TUT4: variants seen among roughly 807,000 people sequenced by gnomAD.
TUT4 encodes the protein terminal uridylyl transferase 4, also known as terminal uridylyltransferase 4.
TUT4 carries 36 observed loss-of-function variants against 192.2 expected under a neutral mutation model. The observed-to-expected ratio is 0.19, with a 90% confidence interval of 0.14 to 0.25. The LOEUF is 0.25. Among genes scored for constraint, TUT4 ranks in the 10% least tolerant of loss-of-function variants. The pLI is 1.00. For missense variants in TUT4, 1,493 were observed against 1,957.2 expected (o/e 0.76, Z 4.47); for synonymous variants, 618 against 666.0 (o/e 0.93, Z 1.11).
chr1:52,495,281 T>C (rs1672170935), intron 6 of TUT4, 146 bp downstream of exon 6: 1 of 433,308 alleles, frequency 2.3e-6, no homozygotes, highest in Non-Finnish European at 4.1e-6. Flanking sequence ...AATCTAATAG[T>C]AATTTCCAAA....
At chr1:52,492,557 T>A (rs1244002398) in intron 7 of TUT4, among the ~76,000 whole-genome samples, 2 of 152,210 alleles carry the variant, frequency 1.3e-5, no homozygotes, top group Non-Finnish European at 2.9e-5. Context: ...ATGGGAAAGC[T>A]AAGGTATTAA....
intron 9 of TUT4, among the ~76,000 whole-genome samples, chr1:52,487,865 G>A (rs1490642008): frequency 2.0e-5 from 3 of 152,138 alleles, no homozygotes; most frequent in African/African-American, 7.2e-5. Flanking sequence ...GGGATCAGCC[G>A]TGAATACATA....
intron 11 of TUT4, among the ~76,000 whole-genome samples, chr1:52,480,846 T>C (rs567562671): frequency 3.4e-4 from 52 of 152,178 alleles, no homozygotes; most frequent in Non-Finnish European, 6.5e-4. Flanking sequence ...TTGAATACAA[T>C]AGTCAAGTAT....
intron 14 of TUT4, chr1:52,468,534 G>C (rs1374956194): frequency 1.3e-5 from 4 of 309,122 alleles, no homozygotes; most frequent in African/African-American, 2.2e-5. Context: ...CATTTCACAT[G>C]ATCATTTTCC....
Position 52,433,611 on chromosome 1 carries a change from G to C in TUT4, c.4263+1754C>G, listed in dbSNP as rs1652806562. 6 of 152,196 alleles carry C rather than the reference G, an allele frequency of 3.9e-5. No individual in the cohort carries two copies. In the South Asian group the frequency reaches 1.2e-3, roughly 31 times the overall value. The allele number at this position is 152,196 out of a possible 1,614,324, so 9.4% of individuals were successfully genotyped here. ...ACTCTTTCCGAAAGCACGGGTGAGA[G>C]AAAAGTGAGGACTAGTAGCATAAAA... On this transcript the variant is annotated intron_variant, in intron 27 of 29. Transcript: ENST00000257177.
At chr1:52,458,088 A>C (rs1042443683) in intron 20 of TUT4, among the ~76,000 whole-genome samples, 4 of 152,214 alleles carry the variant, frequency 2.6e-5, no homozygotes, top group African/African-American at 9.6e-5. Flanking sequence ...TAAGACTGTA[A>C]AATTTAAAAA....
At chr1:52,445,559 G>A (rs535272211) in intron 24 of TUT4, among the ~76,000 whole-genome samples, 5 of 152,210 alleles carry the variant, frequency 3.3e-5, no homozygotes, top group Admixed American at 6.5e-5. Context: ...TCCTGTCTTC[G>A]TGGGGCTTAT....
In TUT4 at chr1:52,525,529, T is replaced by C. The variant is rs773746139; in HGVS notation, c.718+34A>G. The C allele has an allele frequency of 5.6e-5, 89 of 1,579,862 alleles. No homozygotes were observed. The Admixed American group carries it at 1.5e-3, about 27-fold the overall frequency. ...AAACCGGGGATAATCTAAAGAACAT[T>C]AATATACAAAAATCCCTCCAAAAAA... is the stretch of plus-strand genomic sequence containing the variant. On this transcript the variant is annotated intron_variant, in intron 2 of 29. Coordinates refer to ENST00000257177, the MANE Select transcript of TUT4 (RefSeq NM_001009881.3).
intron 1 of TUT4, among the ~76,000 whole-genome samples, chr1:52,545,966 C>CAAAAAAAAAAA (rs71041901): frequency 4.7e-4 from 34 of 72,218 alleles, no homozygotes; most frequent in Admixed American, 8.3e-4. Context: ...TACAAAAATA[C>CAAAAAAAAAAA]AAAAAAAAAA....
chr1:52,481,982 A>C, intron 9 of TUT4, 59 bp from the exon 10 acceptor site: 1 of 1,390,486 alleles, frequency 7.2e-7, no homozygotes, highest in Admixed American at 2.7e-5. Context: ...TCATGATAAA[A>C]GTAGCTTGCT....
intron 9 of TUT4, among the ~76,000 whole-genome samples, chr1:52,486,777 T>C (rs1369061511): frequency 1.3e-5 from 2 of 152,196 alleles, no homozygotes; most frequent in African/African-American, 4.8e-5. Context: ...AGAATCTACA[T>C]GGATCAACTA....
chr1:52,539,912 A>C (rs1451092779), intron 1 of TUT4, among the ~76,000 whole-genome samples: 1 of 151,146 alleles, frequency 6.6e-6, no homozygotes, highest in Non-Finnish European at 1.5e-5. Flanking sequence ...GTCTTAAAAA[A>C]AAAAAAACAA....
At chr1:52,540,091 C>A (rs1686124826) in intron 1 of TUT4, among the ~76,000 whole-genome samples, 1 of 150,418 alleles carries the variant, frequency 6.6e-6, no homozygotes, top group African/African-American at 2.5e-5. Flanking sequence ...TGGTGGCGGG[C>A]GCCTGTGTTA....
At chr1:52,446,174 A>C in intron 22 of TUT4, 91 bp downstream of exon 22, 1 of 1,403,824 alleles carries the variant, frequency 7.1e-7, no homozygotes, top group Non-Finnish European at 9.7e-7. Context: ...AAGAGGAAGA[A>C]TCTTCCAAAT....
At position 52,525,835 on chromosome 1, in the gene TUT4, T is replaced by C; in HGVS notation, c.446A>G (p.Lys149Arg). 6.2e-7 allele frequency: 1 copy of C among 1,614,210 alleles called. No individual in the cohort carries two copies. The highest frequency in any genetic ancestry group is 8.5e-7 in the Non-Finnish European group (1 of 1,180,038). Residue 149 changes from lysine to arginine, a missense_variant, in exon 2 of 30, where the codon AAG becomes AGG. Transcript: ENST00000257177. ...KAEKASSYQM[K>R]SEKVPSSPAE... The stretch of plus-strand genomic sequence containing the variant: ...TGGTGAACTTGGTACTTTTTCTGAC[T>C]TCATCTGATAACTGGATGCTTTTTC...
chr1:52,508,782 G>T (rs1676318216), intron 4 of TUT4, among the ~76,000 whole-genome samples: 1 of 152,102 alleles, frequency 6.6e-6, no homozygotes, highest in African/African-American at 2.4e-5. Context: ...TACTGCTGTT[G>T]TAACTTTAAA....
chr1:52,456,159 T>C (rs1342010535), intron 20 of TUT4, among the ~76,000 whole-genome samples: 1 of 151,852 alleles, frequency 6.6e-6, no homozygotes, highest in Non-Finnish European at 1.5e-5. Flanking sequence ...ATCCCAGCAC[T>C]TTGGGAGGCC....
intron 3 of TUT4, among the ~76,000 whole-genome samples, chr1:52,510,330 A>G (rs371830274): frequency 7.9e-6 from 1 of 126,448 alleles, no homozygotes; most frequent in Admixed American, 7.7e-5. Context: ...AAAAAAAAAA[A>G]AAAAAAAAAA....
intron 28 of TUT4, among the ~76,000 whole-genome samples, chr1:52,429,489 A>G (rs1651277059): frequency 6.6e-6 from 1 of 151,760 alleles, no homozygotes; most frequent in African/African-American, 2.4e-5. Flanking sequence ...TCAAGGTTGT[A>G]GTATGCTAGA....
Sources: gnomAD v4.1 joint callset for allele counts (sites outside exome capture counted in the v4.1 genomes callset) on GRCh38, gnomAD v4.1.1 for gene constraint, MANE v1.5 for transcripts, NCBI Gene and HGNC (gene_info 2026-07-23, HGNC 2026-07-21) for gene names.